The following IRX1 variants were observed in gnomAD, a reference collection of about 807,000 sequenced individuals.
The protein encoded by IRX1 is iroquois homeobox 1, also known as iroquois-class homeodomain protein IRX-1.
IRX1 carries 22 observed loss-of-function variants against 34.1 expected under a neutral mutation model. The ratio of observed to expected loss-of-function variants is 0.64; its 90% CI spans 0.46 to 0.92. The LOEUF is 0.92. Ranked by LOEUF, IRX1 falls within the 40% of genes least tolerant of loss-of-function variation. The probability of loss-of-function intolerance (pLI) is 0.00; values close to 1 mark genes in which losing one functional copy is unlikely to be tolerated. For synonymous variants in IRX1, 363 were observed against 319.0 expected (o/e 1.14, Z -1.47); for missense variants, 758 against 680.0 (o/e 1.11, Z -1.28).
chr5:3,600,607 A>T lies in IRX1; in HGVS notation c.1313-2A>T, dbSNP rs1188872668. The T allele has an allele frequency of 6.2e-7, 1 of 1,612,402 alleles. No individual in the cohort carries two copies. Among genetic ancestry groups the T allele is most frequent in the Non-Finnish European group, 8.5e-7 (1 of 1,178,794 alleles). ...AACTCTGCCTCTTCCGATCTCTCGCAGAGAGAGACCTCGTCCCCAGGCCAG... is the reference window on the plus strand; with the variant it reads ...AACTCTGCCTCTTCCGATCTCTCGCTGAGAGAGACCTCGTCCCCAGGCCAG... On this transcript the variant is annotated splice_acceptor_variant, in intron 2 of 3. Transcript: ENST00000302006. LOFTEE classifies it high-confidence loss of function.
intron 2 of IRX1, among the ~76,000 whole-genome samples, 158 bp from the exon 3 acceptor site, chr5:3,600,451 G>A (rs900014411): frequency 7.2e-5 from 11 of 152,342 alleles, no homozygotes; most frequent in Middle Eastern, 3.4e-3. Context: ...AGAGAGCTTT[G>A]CCCTACCGGC....
At chr5:3,600,521 G>A in intron 2 of IRX1, 88 bp from the exon 3 acceptor site, 1 of 1,260,534 alleles carries the variant, frequency 7.9e-7, no homozygotes. Flanking sequence ...ATCTGCCTGG[G>A]CAGCCGGCAG....
rs760608817 is a variant in IRX1, at chr5:3,599,372, C to A, written c.424C>A (p.Leu142Ile). Reference protein sequence around the residue: ...KNATRESTSTLKAWLNEHRKN... With the variant: ...KNATRESTSTIKAWLNEHRKN... ...CGCCACCCGCGAGAGCACCAGCACG[C>A]TCAAGGCCTGGCTCAACGAGCACCG... is the stretch of plus-strand genomic sequence containing the variant. Residue 142 changes from leucine to isoleucine, a missense_variant, in exon 2 of 4, where the codon CTC becomes ATC. By Grantham distance (5) the Leu-to-Ile change is conservative. Around this residue, in one of 3 missense-constraint regions of IRX1, gnomAD observed 195 missense variants for 195.0 expected, o/e 1.00. Transcript: ENST00000302006. This position sits in a 1 kb window ranked among gnomAD's most constrained non-coding sequence, Gnocchi z 6.6. 1 of 1,614,160 alleles carries A rather than the reference C, an allele frequency of 6.2e-7. No individual in the cohort carries two copies.
Position 3,601,072 on chromosome 5 carries a change from A to C in IRX1, c.*32A>C. On this transcript the variant is annotated 3_prime_UTR_variant, in exon 4 of 4. Transcript: ENST00000302006. ...GTCTTCTTTTACTTTTGCGGGGGGG[A>C]GGGGGGAGGAGTTGGGGAGGGAGGG... 1.3e-6 allele frequency: 1 copy of C among 776,622 alleles called. No homozygotes were observed. The allele number at this position is 776,622 out of a possible 1,614,324, so 48.1% of individuals were successfully genotyped here. A position where few individuals can be genotyped will look rare whatever the true frequency, so the allele number is the denominator to read the frequency against.
At chr5:3,600,726 G>C in intron 3 of IRX1, 45 bp downstream of exon 3, 1 of 1,555,438 alleles carries the variant, frequency 6.4e-7, no homozygotes, top group Middle Eastern at 1.7e-4. Flanking sequence ...GGTGGGGAGG[G>C]GGGAGGAGGA....
Position 3,599,861 on chromosome 5 carries a change from G to C in IRX1, c.913G>C (p.Gly305Arg). 2 of 1,516,972 alleles carry C rather than the reference G, an allele frequency of 1.3e-6. No individual in the cohort carries two copies. The highest frequency in any genetic ancestry group is 1.4e-5 in the African/African-American group (1 of 71,816). 94.0% of individuals were successfully genotyped at this position (1,516,972 alleles called of 1,614,324 possible). Residue 305 changes from glycine (G) to arginine (R), a missense_variant, in exon 2 of 4, where the codon GGC becomes CGC. This residue lies in a region of IRX1 where 529 missense variants were observed against 418.8 expected (regional missense o/e 1.26). Transcript: ENST00000302006. The surrounding 1 kb of genome is among the most constrained non-coding windows in gnomAD (Gnocchi z 6.6). ...GCTGAGCCCCGGCGCTGCAGCGGGC[G>C]GCCTGCAGGGTGCGCCGCACGGCAA... ...RLLSPGAAAG[G>R]LQGAPHGKPK...
At chr5:3,600,585 T>C in intron 2 of IRX1, 24 bp from the exon 3 acceptor site, 1 of 1,605,322 alleles carries the variant, frequency 6.2e-7, no homozygotes, top group Non-Finnish European at 8.5e-7. Context: ...CCGTCCTAAC[T>C]CTGCCTCTTC....
Position 3,596,270 on chromosome 5 carries a change from T to G in IRX1, c.165T>G (p.Ala55=), listed in dbSNP as rs370381455. The change falls in exon 1 of 4, where the codon GCT becomes GCG. Residue 55 remains alanine (A), a synonymous_variant. Transcript: ENST00000302006. The part of the protein sequence containing the change: ...AAELGGGAGA[A]AVTSVLGMYA... ...AGCTGGGCGGCGGGGCAGGCGCGGC[T>G]GCAGTCACCTCGGTGCTGGGCATGT... is the stretch of plus-strand genomic sequence containing the variant. The G allele has an allele frequency of 3.2e-6, 4 of 1,259,258 alleles. No individual in the cohort carries two copies. The highest frequency in any genetic ancestry group is 6.1e-5 in the South Asian group (2 of 32,794). 78.0% of individuals were successfully genotyped at this position (1,259,258 alleles called of 1,614,324 possible). A position where few individuals can be genotyped will look rare whatever the true frequency, so the allele number is the denominator to read the frequency against.
In IRX1 at chr5:3,599,222, C is replaced by T; in HGVS notation, c.277-3C>T. ...CCTCGATGGATCTGCCCTGTGGCTTCAGGGCTCGCAGTATGAACTGAAGGA... is the reference window on the plus strand; with the variant it reads ...CCTCGATGGATCTGCCCTGTGGCTTTAGGGCTCGCAGTATGAACTGAAGGA... On this transcript the variant is annotated splice_region_variant and splice_polypyrimidine_tract_variant and intron_variant, in intron 1 of 3. Coordinates refer to ENST00000302006, the MANE Select transcript of IRX1 (RefSeq NM_024337.4). The surrounding 1 kb of genome is among the most constrained non-coding windows in gnomAD (Gnocchi z 6.6). 6.2e-7 allele frequency: 1 copy of T among 1,610,378 alleles called. No homozygotes were observed. The highest frequency in any genetic ancestry group is 8.5e-7 in the Non-Finnish European group (1 of 1,177,684).
intron 2 of IRX1, 27 bp downstream of exon 2, chr5:3,600,287 TC>T (rs1733929284): frequency 1.3e-6 from 2 of 1,529,224 alleles, no homozygotes; most frequent in Admixed American, 3.8e-5. Context: ...CGTCCACCTG[TC>T]CCCTAGCTGG....
In IRX1 at chr5:3,599,874, C is replaced by T; in HGVS notation, c.926C>T (p.Ala309Val). ...PGAAAGGLQG[A>V]PHGKPKIWSL... is the part of the protein sequence containing the mutation. The stretch of plus-strand genomic sequence containing the variant: ...GCTGCAGCGGGCGGCCTGCAGGGTG[C>T]GCCGCACGGCAAGCCCAAGATCTGG... Residue 309 changes from alanine to valine, a missense_variant, in exon 2 of 4, where the codon GCG becomes GTG. By Grantham distance (64) the Ala-to-Val change is moderately conservative. Coordinates refer to ENST00000302006, the MANE Select transcript of IRX1 (RefSeq NM_024337.4). This position sits in a 1 kb window ranked among gnomAD's most constrained non-coding sequence, Gnocchi z 6.6. 2 of 1,501,008 alleles carry T rather than the reference C, an allele frequency of 1.3e-6. No homozygotes were observed. Among genetic ancestry groups the T allele is most frequent in the African/African-American group, 1.4e-5 (1 of 71,260 alleles). 93.0% of individuals were successfully genotyped at this position (1,501,008 alleles called of 1,614,324 possible).
chr5:3,597,121 A>G (rs1384202257), intron 1 of IRX1, among the ~76,000 whole-genome samples: 1 of 152,220 alleles, frequency 6.6e-6, no homozygotes, highest in Non-Finnish European at 1.5e-5. Context: ...CCTGCGTTAC[A>G]TAATGGAGGA....
chr5:3,597,187 T>C (rs1743715681), intron 1 of IRX1, among the ~76,000 whole-genome samples: 1 of 152,220 alleles, frequency 6.6e-6, no homozygotes, highest in South Asian at 2.1e-4. Flanking sequence ...TAGTCTCCCG[T>C]CCCAGTGGGC....
At position 3,599,897 on chromosome 5, in the gene IRX1, T is replaced by A; in HGVS notation, c.949T>A (p.Trp317Arg). The A allele has an allele frequency of 6.8e-7, 1 of 1,480,538 alleles. No individual in the cohort carries two copies. 91.7% of individuals were successfully genotyped at this position (1,480,538 alleles called of 1,614,324 possible). ...TGCGCCGCACGGCAAGCCCAAGATC[T>A]GGTCGCTGGCGGAGACAGCCACGAG... ...QGAPHGKPKIWSLAETATSPD... is the reference protein window; with the variant it reads ...QGAPHGKPKIRSLAETATSPD... Residue 317 changes from tryptophan to arginine, a missense_variant, in exon 2 of 4, where the codon TGG becomes AGG. Transcript: ENST00000302006. This position sits in a 1 kb window ranked among gnomAD's most constrained non-coding sequence, Gnocchi z 6.6.
At chr5:3,600,745 G>A (rs1733942532) in intron 3 of IRX1, 64 bp downstream of exon 3, 2 of 1,466,986 alleles carry the variant, frequency 1.4e-6, no homozygotes, top group South Asian at 2.3e-5. Context: ...GAGTGGTCGG[G>A]ACCCGGGCGG....
rs759508006 is a variant in IRX1 at position 3,600,190 on chromosome 5, G to T, written c.1242G>T (p.Pro414=). The change falls in exon 2 of 4, where the codon CCG becomes CCT. Residue 414 remains proline (P), a synonymous_variant. Transcript: ENST00000302006. ...TTCCTGCACCTCCACCACCGCAGCCGCCGGTCGCTATTGCCCCGGGGGCAC... is the reference window on the plus strand; with the variant it reads ...TTCCTGCACCTCCACCACCGCAGCCTCCGGTCGCTATTGCCCCGGGGGCAC... ...PHLPAPPPPQ[P]PVAIAPGALN... The T allele has an allele frequency of 1.7e-5, 27 of 1,611,948 alleles. No homozygotes were observed. The highest frequency in any genetic ancestry group is 1.1e-5 in the South Asian group (1 of 91,002).
At chr5:3,597,823 G>A (rs1178319838) in intron 1 of IRX1, among the ~76,000 whole-genome samples, 2 of 152,122 alleles carry the variant, frequency 1.3e-5, no homozygotes, top group Non-Finnish European at 2.9e-5. Context: ...CTCAGAGTCC[G>A]GAACTCCCTT....
intron 2 of IRX1, 68 bp downstream of exon 2, chr5:3,600,328 C>A: frequency 3.6e-6 from 5 of 1,401,192 alleles, no homozygotes; most frequent in Non-Finnish European, 4.7e-6. Flanking sequence ...GGTGTGGTAG[C>A]GTGGGGTGCA....
In IRX1 at chr5:3,599,786, T is replaced by C; in HGVS notation, c.838T>C (p.Ser280Pro). Residue 280 changes from serine to proline, a missense_variant, in exon 2 of 4, where the codon TCG becomes CCG. Ser to Pro is a moderately conservative substitution (Grantham distance 74). Coordinates refer to ENST00000302006, the MANE Select transcript of IRX1 (RefSeq NM_024337.4). This position sits in a 1 kb window ranked among gnomAD's most constrained non-coding sequence, Gnocchi z 6.6. ...AAADVLKPQD[S>P]PLGLAKEAPE... ...AGCCGACGTTCTCAAGCCCCAGGAC[T>C]CGCCCTTGGGCCTGGCAAAGGAGGC... is the stretch of plus-strand genomic sequence containing the variant. 6.2e-7 allele frequency: 1 copy of C among 1,603,366 alleles called. No individual in the cohort carries two copies. Among genetic ancestry groups the C allele is most frequent in the Non-Finnish European group, 8.5e-7 (1 of 1,176,074 alleles).
Sources: allele counts gnomAD v4.1 joint callset (sites outside exome capture counted in the v4.1 genomes callset), GRCh38; gene constraint gnomAD v4.1.1; regional missense constraint gnomAD v4.1.1; non-coding constraint Gnocchi (gnomAD v3.1); transcripts MANE v1.5; gene names NCBI Gene and HGNC (gene_info 2026-07-23, HGNC 2026-07-21).